TAB2: variants seen among roughly 807,000 people sequenced by gnomAD.
The protein encoded by TAB2 is TGF-beta-activated kinase 1 and MAP3K7-binding protein 2.
Under a neutral mutation model 65.0 loss-of-function variants are expected in TAB2, and 3 were observed. That is an observed-to-expected ratio of 0.05 (90% confidence interval 0.02 to 0.12). The LOEUF (loss-of-function observed/expected upper bound fraction) is 0.12. TAB2 is among the 10% of genes least tolerant of loss of function. The pLI is 1.00. For missense variants in TAB2, 623 were observed against 840.3 expected (o/e 0.74, Z 3.20); for synonymous variants, 298 against 285.1 (o/e 1.05, Z -0.46).
chr6:149,339,804 G>T (rs983365545), intron 1 of TAB2, among the ~76,000 whole-genome samples: 2 of 151,804 alleles, frequency 1.3e-5, no homozygotes, highest in Non-Finnish European at 2.9e-5. Context: ...TTACCATGTT[G>T]GCCAAGCTGG....
chr6:149,227,840 C>T (rs1197554282), intron 1 of TAB2, among the ~76,000 whole-genome samples: 5 of 152,034 alleles, frequency 3.3e-5, no homozygotes, highest in Admixed American at 6.6e-5. Context: ...GTGATGGGTT[C>T]GTGAAGGTTG....
intron 1 of TAB2, among the ~76,000 whole-genome samples, chr6:149,293,100 G>A (rs889392944): frequency 2.6e-5 from 4 of 152,134 alleles, no homozygotes; most frequent in Admixed American, 6.5e-5. Context: ...GCCAGGCTTC[G>A]TGACTTTCAG....
intron 1 of TAB2, among the ~76,000 whole-genome samples, chr6:149,233,482 C>A (rs191612237): frequency 7.0e-4 from 106 of 152,320 alleles, no homozygotes; most frequent in African/African-American, 2.4e-3. Context: ...ATGGTTGAGC[C>A]ATTGGTTTGT....
At chr6:149,345,409 G>A (rs1780261768) in intron 1 of TAB2, among the ~76,000 whole-genome samples, 1 of 152,058 alleles carries the variant, frequency 6.6e-6, no homozygotes, top group East Asian at 1.9e-4. Context: ...CACAGGCTTT[G>A]AGTTATTTGA....
intron 1 of TAB2, among the ~76,000 whole-genome samples, chr6:149,298,258 T>C (rs1349882150): frequency 3.9e-5 from 6 of 151,964 alleles, no homozygotes; most frequent in Non-Finnish European, 1.5e-5. Context: ...GGAAAAGACA[T>C]ATAGTTTTTA....
intron 1 of TAB2, among the ~76,000 whole-genome samples, chr6:149,263,989 G>A (rs1019096870): frequency 1.3e-5 from 2 of 152,222 alleles, no homozygotes; most frequent in African/African-American, 4.8e-5. Context: ...TCCCAGGGAG[G>A]ATCAAGTGAA....
At chr6:149,262,194 C>A (rs1225122875) in intron 1 of TAB2, among the ~76,000 whole-genome samples, 5 of 152,246 alleles carry the variant, frequency 3.3e-5, no homozygotes, top group Admixed American at 6.5e-5. Context: ...ACTCCTATAC[C>A]AAGCATCAAA....
intron 1 of TAB2, among the ~76,000 whole-genome samples, chr6:149,341,780 T>C (rs1780135077): frequency 6.6e-6 from 1 of 152,200 alleles, no homozygotes; most frequent in Admixed American, 6.5e-5. Flanking sequence ...TCGTCTTCAC[T>C]ACTTTTTTTT....
At chr6:149,397,836 CTCTA>C (rs1300821971) in intron 4 of TAB2, 72 bp downstream of exon 4, 2 of 1,589,592 alleles carry the variant, frequency 1.3e-6, no homozygotes, top group Non-Finnish European at 1.7e-6. Flanking sequence ...AGTGTAATAT[CTCTA>C]TCTAGTTTTC....
chr6:149,222,186 C>T (rs1562378018), intron 1 of TAB2, among the ~76,000 whole-genome samples: 1 of 152,338 alleles, frequency 6.6e-6, no homozygotes, highest in East Asian at 1.9e-4. Flanking sequence ...CTGTGACTTA[C>T]ACCATCGGCC....
At chr6:149,405,357 G>C (rs1782628486) in intron 6 of TAB2, among the ~76,000 whole-genome samples, 1 of 152,208 alleles carries the variant, frequency 6.6e-6, no homozygotes, top group Admixed American at 6.5e-5. Context: ...ACAGCATGCA[G>C]GTTCAAAAAC....
At chr6:149,230,007 G>C (rs796373314) in intron 1 of TAB2, 9 of 152,336 alleles carry the variant, frequency 5.9e-5, no homozygotes, top group African/African-American at 2.2e-4. Context: ...TAAGAAGTTA[G>C]AATAATGGAA....
chr6:149,378,121 C>T lies in TAB2; in HGVS notation c.206C>T (p.Ser69Phe), dbSNP rs1781466168. ...DLNFSDDSGI[S>F]GLRNHMTSLN... ...AATTTTTCAGATGATTCTGGAATTT[C>T]TGGTCTACGCAATCACATGACTTCT... Residue 69 changes from serine to phenylalanine, a missense_variant, in exon 3 of 7, where the codon TCT becomes TTT. By Grantham distance (155) the Ser-to-Phe change is radical. Coordinates refer to ENST00000637181, the MANE Select transcript of TAB2 (RefSeq NM_001292034.3). 6.2e-7 allele frequency: 1 copy of T among 1,614,032 alleles called. No homozygotes were observed. The highest frequency in any genetic ancestry group is 1.1e-5 in the South Asian group (1 of 91,084).
chr6:149,305,659 A>G (rs1436915583), intron 1 of TAB2, among the ~76,000 whole-genome samples: 4 of 152,190 alleles, frequency 2.6e-5, no homozygotes, highest in Non-Finnish European at 5.9e-5. Flanking sequence ...AGAGTAACAT[A>G]GACAAAGCAG....
chr6:149,372,253 T>G (rs1164397074), intron 2 of TAB2: 1 of 152,122 alleles, frequency 6.6e-6, no homozygotes, highest in Admixed American at 6.5e-5. Context: ...AAAAACAAGA[T>G]GCAGAGCAGA....
At chr6:149,259,424 T>G (rs371158161) in intron 1 of TAB2, among the ~76,000 whole-genome samples, 15 of 151,536 alleles carry the variant, frequency 9.9e-5, no homozygotes, top group Admixed American at 2.6e-4. Flanking sequence ...GCAGTTTGAG[T>G]CTCACTGAGA....
At chr6:149,244,107 A>G (rs1317625666) in intron 1 of TAB2, 1 of 152,266 alleles carries the variant, frequency 6.6e-6, no homozygotes, top group Non-Finnish European at 1.5e-5. Flanking sequence ...ATGTACACCA[A>G]TCAAAGGTAA....
chr6:149,357,431 ACACACACAC>A (rs1490149770), intron 1 of TAB2, among the ~76,000 whole-genome samples: 5 of 54,350 alleles, frequency 9.2e-5, no homozygotes, highest in Admixed American at 2.0e-4. Context: ...GAAAAAAAAA[ACACACACAC>A]ACACACACAC....
At chr6:149,301,520 A>T (rs1044930091) in intron 1 of TAB2, among the ~76,000 whole-genome samples, 3 of 152,254 alleles carry the variant, frequency 2.0e-5, no homozygotes, top group African/African-American at 7.2e-5. Flanking sequence ...TCTGTACATT[A>T]CACATATACA....
Sources: allele counts gnomAD v4.1 joint callset (sites outside exome capture counted in the v4.1 genomes callset), GRCh38; gene constraint gnomAD v4.1.1; transcripts MANE v1.5; gene names NCBI Gene and HGNC (gene_info 2026-07-23, HGNC 2026-07-21).